The following LNX1 variants were observed in gnomAD, a reference collection of about 807,000 sequenced individuals.
LNX1 encodes E3 ubiquitin-protein ligase LNX.
A neutral mutation model predicts 68.4 loss-of-function variants in LNX1; 54 were observed. The ratio of observed to expected loss-of-function variants is 0.79; its 90% confidence interval spans 0.63 to 0.99. LNX1 has a LOEUF of 0.99. LNX1 is among the 50% of genes least tolerant of loss of function. The pLI, the probability that LNX1 is intolerant of heterozygous loss-of-function variation, is 0.00. For missense variants in LNX1, 906 were observed against 926.4 expected, an observed-to-expected ratio of 0.98 and a Z score of 0.29; for synonymous variants, 336 against 350.0, an observed-to-expected ratio of 0.96 and a Z score of 0.45.
chr4:53,597,367 A>C (rs760772809), intron 2 of LNX1, among the ~76,000 whole-genome samples: 28 of 152,078 alleles, frequency 1.8e-4, no homozygotes, highest in Non-Finnish European at 3.5e-4. Flanking sequence ...CTTTATCCAT[A>C]TCTCTGATCC....
intron 4 of LNX1, among the ~76,000 whole-genome samples, chr4:53,504,427 T>C (rs1725727853): frequency 6.6e-6 from 1 of 152,266 alleles, no homozygotes; most frequent in African/African-American, 2.4e-5. Context: ...GACCTTCCTC[T>C]GGATTAGGCT....
chr4:53,562,844 C>T (rs946996930), intron 2 of LNX1, among the ~76,000 whole-genome samples: 5 of 152,084 alleles, frequency 3.3e-5, no homozygotes, highest in Admixed American at 3.3e-4. Context: ...TTAGCCATTT[C>T]ACAATATATA....
At chr4:53,512,281 A>C (rs1726403348) in intron 2 of LNX1, among the ~76,000 whole-genome samples, 1 of 151,304 alleles carries the variant, frequency 6.6e-6, no homozygotes, top group East Asian at 2.0e-4. Context: ...GCAAGATTTT[A>C]AGATTCGAAA....
At chr4:53,592,225 G>T (rs990573606), upstream of LNX1, among the ~76,000 whole-genome samples, 22 of 152,064 alleles carry the variant, frequency 1.4e-4, no homozygotes, top group African/African-American at 5.3e-4. Flanking sequence ...CAATTTAAAT[G>T]ATTCAGATTG....
rs1248742171 is a variant in LNX1 at position 53,526,189 on chromosome 4, A to G, written c.381-17962T>C. Among the ~76,000 whole-genome samples, 3 of 151,972 alleles carry G rather than the reference A, an allele frequency of 2.0e-5. No homozygotes were observed. In the East Asian group the frequency reaches 5.8e-4, roughly 29 times the overall value. Reference sequence around the variant, plus strand: ...ATCAACAGTGATATGAACAAACAAAACCCCATCACTGGACACGGCACACTG... The same window carrying G: ...ATCAACAGTGATATGAACAAACAAAGCCCCATCACTGGACACGGCACACTG... On this transcript the variant is annotated intron_variant, in intron 2 of 10. Transcript: ENST00000263925.
chr4:53,499,051 C>T (rs1333566798), intron 4 of LNX1, among the ~76,000 whole-genome samples: 1 of 152,176 alleles, frequency 6.6e-6, no homozygotes. Flanking sequence ...CTTCAAGGCC[C>T]TTCCAATTAA....
chr4:53,499,888 A>G (rs559926496), intron 4 of LNX1, among the ~76,000 whole-genome samples: 1 of 152,384 alleles, frequency 6.6e-6, no homozygotes, highest in South Asian at 2.1e-4. Context: ...TTCAAAGATC[A>G]TCTAGGCTGG....
intron 3 of LNX1, 89 bp downstream of exon 3, chr4:53,507,897 C>T: frequency 6.7e-7 from 1 of 1,489,606 alleles, no homozygotes; most frequent in Non-Finnish European, 9.0e-7. Flanking sequence ...CCTTAAAAAA[C>T]ATTTACAGAA....
At chr4:53,628,153 G>A (rs1432494453) in intron 1 of LNX1, among the ~76,000 whole-genome samples, 1 of 152,144 alleles carries the variant, frequency 6.6e-6, no homozygotes, top group Non-Finnish European at 1.5e-5. Context: ...CATTTGGTTG[G>A]AAGGGTAGAG....
At chr4:53,543,532 A>C (rs1728897145) in intron 2 of LNX1, among the ~76,000 whole-genome samples, 1 of 152,210 alleles carries the variant, frequency 6.6e-6, no homozygotes, top group Non-Finnish European at 1.5e-5. Context: ...AAAGAAGAAA[A>C]AAAAATCACA....
Position 53,459,729 on chromosome 4 carries a change from G to A in LNX1, c.*1178C>T, listed in dbSNP as rs573910493. 9.2e-4 allele frequency: 422 copies of A among 458,984 alleles called. 1 individual carries two copies. Among genetic ancestry groups the A allele is most frequent in the South Asian group, 4.8e-3 (212 of 43,728 alleles). 28.4% of individuals were successfully genotyped at this position (458,984 alleles called of 1,614,324 possible). A position where few individuals can be genotyped will look rare whatever the true frequency, so the allele number is the denominator to read the frequency against. The stretch of plus-strand genomic sequence containing the variant: ...GGGAATCTAAAGAGCTGTGTTAGCT[G>A]TGTACATACACAGATTATCTGAGAA... On this transcript the variant is annotated 3_prime_UTR_variant, in exon 11 of 11. Coordinates refer to ENST00000263925, the MANE Select transcript of LNX1 (RefSeq NM_001126328.3).
chr4:53,556,273 C>G (rs1411261354), intron 2 of LNX1, among the ~76,000 whole-genome samples: 2 of 152,056 alleles, frequency 1.3e-5, no homozygotes, highest in East Asian at 1.9e-4. Flanking sequence ...ACCTGCAGCA[C>G]CCCCCTCCAC....
At chr4:53,648,023 C>A (rs551418034) in intron 1 of LNX1, among the ~76,000 whole-genome samples, 1 of 152,362 alleles carries the variant, frequency 6.6e-6, no homozygotes, top group East Asian at 1.9e-4. Flanking sequence ...ACTTGGGTTG[C>A]ATGTACCTTT....
intron 1 of LNX1, among the ~76,000 whole-genome samples, chr4:53,577,768 C>A (rs1406408890): frequency 6.6e-6 from 1 of 152,042 alleles, no homozygotes; most frequent in Non-Finnish European, 1.5e-5. Context: ...GTCAAAGAAT[C>A]CTAGCTTTTA....
At chr4:53,637,361 T>A in intron 1 of LNX1, among the ~76,000 whole-genome samples, 1 of 152,024 alleles carries the variant, frequency 6.6e-6, no homozygotes, top group African/African-American at 2.4e-5. Context: ...TTGAAAAAAA[T>A]CTAATTAGAA....
intron 2 of LNX1, among the ~76,000 whole-genome samples, chr4:53,563,723 C>A (rs112575086): frequency 6.6e-6 from 1 of 151,970 alleles, no homozygotes; most frequent in Admixed American, 6.6e-5. Flanking sequence ...TTGGTAGAGA[C>A]GGGGTTTCAC....
intron 2 of LNX1, among the ~76,000 whole-genome samples, chr4:53,530,851 G>T (rs1423415015): frequency 2.0e-5 from 3 of 152,108 alleles, no homozygotes; most frequent in African/African-American, 7.2e-5. Flanking sequence ...GAAAAAAGGA[G>T]GGGGTACAGG....
At chr4:53,477,497 T>C (rs1723641787) in intron 8 of LNX1, among the ~76,000 whole-genome samples, 1 of 152,166 alleles carries the variant, frequency 6.6e-6, no homozygotes, top group Admixed American at 6.5e-5. Context: ...TTTTCATTGC[T>C]AAGGTGAAAA....
At chr4:53,465,872 T>C (rs1722639506) in intron 9 of LNX1, among the ~76,000 whole-genome samples, 1 of 152,260 alleles carries the variant, frequency 6.6e-6, no homozygotes, top group Non-Finnish European at 1.5e-5. Context: ...CTTGGCAATG[T>C]GTATACACAT....
Sources: allele counts gnomAD v4.1 joint callset (sites outside exome capture counted in the v4.1 genomes callset), GRCh38; gene constraint gnomAD v4.1.1; transcripts MANE v1.5; gene names NCBI Gene and HGNC (gene_info 2026-07-23, HGNC 2026-07-21).